The following DGUOK variants were observed in gnomAD, a reference collection of about 807,000 sequenced individuals.
DGUOK encodes the protein deoxyguanosine kinase, mitochondrial.
In DGUOK, 30 loss-of-function variants were observed where a neutral mutation model predicts 36.6. That is an observed-to-expected ratio of 0.82 (90% CI 0.61 to 1.11). DGUOK has a LOEUF of 1.11. DGUOK is among the 50% of genes most tolerant of loss of function. The probability of loss-of-function intolerance (pLI) is 0.00; values close to 1 mark genes in which losing one functional copy is unlikely to be tolerated. For missense variants in DGUOK, 361 were observed against 336.4 expected (o/e 1.07, Z -0.57); for synonymous variants, 145 against 126.3 (o/e 1.15, Z -0.99).
intron 6 of DGUOK, 49 bp downstream of exon 6, chr2:73,958,294 T>G (rs766784797): frequency 2.0e-6 from 3 of 1,474,640 alleles, no homozygotes; most frequent in Admixed American, 3.4e-5. Flanking sequence ...TTTGTTGTAC[T>G]TTTATCTTTC....
At chr2:73,933,118 C>G (rs537412109) in intron 1 of DGUOK, among the ~76,000 whole-genome samples, 1 of 152,294 alleles carries the variant, frequency 6.6e-6, no homozygotes, top group Non-Finnish European at 1.5e-5. Flanking sequence ...GAGGGCTTCC[C>G]TAATAACATG....
intron 4 of DGUOK, among the ~76,000 whole-genome samples, chr2:73,955,316 A>G (rs1038763813): frequency 1.3e-5 from 2 of 152,244 alleles, no homozygotes; most frequent in Non-Finnish European, 2.9e-5. Context: ...AAGGAAAATG[A>G]GATGATAGCT....
chr2:73,930,120 T>G (rs1680900060), intron 1 of DGUOK, among the ~76,000 whole-genome samples: 1 of 152,144 alleles, frequency 6.6e-6, no homozygotes, highest in South Asian at 2.1e-4. Context: ...GTAACAGGCG[T>G]GATGGCAAAA....
chr2:73,953,679 T>G (rs1050736756), intron 4 of DGUOK, among the ~76,000 whole-genome samples: 1 of 151,190 alleles, frequency 6.6e-6, no homozygotes, highest in East Asian at 1.9e-4. Flanking sequence ...ATGGACTTCG[T>G]AGGTCCTTCT....
intron 1 of DGUOK, 34 bp downstream of exon 1, chr2:73,927,086 C>G: frequency 1.9e-6 from 3 of 1,603,572 alleles, no homozygotes; most frequent in Non-Finnish European, 1.7e-6. Flanking sequence ...AAGCCTTGGC[C>G]TCCGCCACGC....
chr2:73,947,760 C>G (rs940110485), intron 3 of DGUOK: 9 of 152,172 alleles, frequency 5.9e-5, no homozygotes, highest in African/African-American at 1.7e-4. Context: ...TATGAATGAC[C>G]AGTGTCAGTG....
At chr2:73,955,279 G>A (rs55882198) in intron 4 of DGUOK, among the ~76,000 whole-genome samples, 9,979 of 152,150 alleles carry the variant, frequency 0.066, 479 homozygotes, top group African/African-American at 0.13. Context: ...TTATTTTCAC[G>A]AAACAGACAA....
At chr2:73,943,947 C>T (rs1320823219) in intron 2 of DGUOK, among the ~76,000 whole-genome samples, 1 of 152,104 alleles carries the variant, frequency 6.6e-6, no homozygotes, top group Non-Finnish European at 1.5e-5. Context: ...ATGTCCAGCC[C>T]CTAGGGAGAA....
At chr2:73,942,859 C>T (rs1356928552) in intron 2 of DGUOK, among the ~76,000 whole-genome samples, 1 of 152,132 alleles carries the variant, frequency 6.6e-6, no homozygotes, top group Non-Finnish European at 1.5e-5. Flanking sequence ...GGTACACGTA[C>T]CCTTTTGTTA....
intron 1 of DGUOK, 107 bp downstream of exon 1, chr2:73,927,159 C>T (rs1456310021): frequency 4.7e-6 from 7 of 1,485,752 alleles, no homozygotes; most frequent in Non-Finnish European, 6.4e-6. Context: ...CGGCCGGCCT[C>T]TTTTTCTGGG....
chr2:73,934,063 T>C (rs1437880367), intron 1 of DGUOK, among the ~76,000 whole-genome samples: 1 of 152,214 alleles, frequency 6.6e-6, no homozygotes, highest in Non-Finnish European at 1.5e-5. Flanking sequence ...GTGATAAATA[T>C]AGGCTCCTAT....
rs115206553 is a variant in DGUOK at position 73,957,163 on chromosome 2, G to A, written c.630G>A (p.Glu210=). 1.2e-4 allele frequency: 193 copies of A among 1,614,134 alleles called. No individual in the cohort carries two copies. In the African/African-American group the frequency reaches 2.4e-3, roughly 20 times the overall value. The part of the protein sequence containing the change: ...LKRLYQRARE[E]EKGIELAYLE... ...GACTGTACCAGAGGGCCAGGGAGGA[G>A]GAGAAAGGAATTGAGCTGGCCTATC... Residue 210 remains glutamate (E), a synonymous_variant, in exon 5 of 7, where the codon GAG becomes GAA. Coordinates refer to ENST00000264093, the MANE Select transcript of DGUOK (RefSeq NM_080916.3).
At chr2:73,958,584 C>T in intron 6 of DGUOK, 126 bp from the exon 7 acceptor site, 1 of 804,502 alleles carries the variant, frequency 1.2e-6, no homozygotes, top group South Asian at 1.4e-5. Context: ...CATTTCTTCT[C>T]CATGCCTATT....
At chr2:73,932,235 T>C (rs745381052) in intron 1 of DGUOK, among the ~76,000 whole-genome samples, 1 of 152,128 alleles carries the variant, frequency 6.6e-6, no homozygotes, top group Non-Finnish European at 1.5e-5. Flanking sequence ...CTGACTCTTT[T>C]TACTTTCATC....
intron 2 of DGUOK, among the ~76,000 whole-genome samples, chr2:73,943,158 T>A (rs1329684905): frequency 6.6e-6 from 1 of 151,892 alleles, no homozygotes; most frequent in East Asian, 1.9e-4. Context: ...TTTTGACTTT[T>A]GGGTTCTTTT....
rs752349459 is a variant in DGUOK, at chr2:73,927,039, C to G, written c.129C>G (p.Ile43Met). Residue 43 changes from isoleucine to methionine, a missense_variant, in exon 1 of 7, where the codon ATC (isoleucine) becomes ATG (methionine). Transcript: ENST00000264093. ...HAGRGPRRLS[I>M]EGNIAVGKST... ...GGCGCGGGCCCCGAAGGCTCTCCAT[C>G]GAAGGCAACATTGGTAAGGGCCGGA... The G allele has an allele frequency of 2.7e-5, 43 of 1,609,392 alleles. No individual in the cohort carries two copies. The highest frequency in any genetic ancestry group is 3.6e-5 in the Non-Finnish European group (42 of 1,180,018).
intron 1 of DGUOK, chr2:73,932,607 T>A (rs6737156): frequency 7.7e-7 from 1 of 1,297,160 alleles, no homozygotes; most frequent in Non-Finnish European, 1.0e-6. Context: ...GGTAACATCC[T>A]CAAGCAAATC....
Position 73,950,579 on chromosome 2 carries a change from A to T in DGUOK, c.444-6A>T. The T allele has an allele frequency of 6.2e-7, 1 of 1,614,000 alleles. No homozygotes were observed. The highest frequency in any genetic ancestry group is 1.1e-5 in the South Asian group (1 of 91,074). ...CCCTCCCCATTCCCATCCCACTTCCAACCAGGTATATCTTTGCAAAGAATC... is the reference window on the plus strand; with the variant it reads ...CCCTCCCCATTCCCATCCCACTTCCTACCAGGTATATCTTTGCAAAGAATC... On this transcript the variant is annotated splice_polypyrimidine_tract_variant and splice_region_variant and intron_variant, in intron 3 of 6. Transcript: ENST00000264093.
At chr2:73,942,080 T>G (rs911381228) in intron 2 of DGUOK, among the ~76,000 whole-genome samples, 1 of 152,030 alleles carries the variant, frequency 6.6e-6, no homozygotes, top group Non-Finnish European at 1.5e-5. Context: ...CAGCTAATTA[T>G]TGAATATTTA....
Sources: allele counts gnomAD v4.1 joint callset (sites outside exome capture counted in the v4.1 genomes callset), GRCh38; gene constraint gnomAD v4.1.1; transcripts MANE v1.5; gene names NCBI Gene and HGNC (gene_info 2026-07-23, HGNC 2026-07-21).